The following BRINP3 variants were observed in gnomAD, a reference collection of about 807,000 sequenced individuals.
BRINP3 encodes the protein BMP/retinoic acid-inducible neural-specific protein 3.
BRINP3 carries 19 observed loss-of-function variants against 71.0 expected under a neutral mutation model. The observed-to-expected ratio is 0.27, with a 90% CI of 0.19 to 0.39. The LOEUF (loss-of-function observed/expected upper bound fraction) is 0.39. BRINP3 is among the 10% of genes least tolerant of loss of function. BRINP3 has a pLI of 1.00. For synonymous variants in BRINP3, 380 were observed against 337.7 expected, an observed-to-expected ratio of 1.13 and a Z score of -1.37; for missense variants, 959 against 940.8, an observed-to-expected ratio of 1.02 and a Z score of -0.25.
chr1:190,407,473 A>G (rs573977785), intron 2 of BRINP3, among the ~76,000 whole-genome samples: 117 of 152,272 alleles, frequency 7.7e-4, no homozygotes, highest in Non-Finnish European at 1.4e-3. Flanking sequence ...CAGTCAGTCA[A>G]TGATACTGAC....
intron 2 of BRINP3, among the ~76,000 whole-genome samples, chr1:190,351,141 C>T (rs1668359838): frequency 1.3e-5 from 2 of 152,052 alleles, no homozygotes. Context: ...GTTTTTCCTA[C>T]ATCTACGAAG....
chr1:190,244,947 A>G (rs1391307099), intron 4 of BRINP3, among the ~76,000 whole-genome samples: 1 of 152,088 alleles, frequency 6.6e-6, no homozygotes, highest in Non-Finnish European at 1.5e-5. Flanking sequence ...CTTAAAACTT[A>G]AAACTTTTTA....
At chr1:190,190,693 G>A (rs1311928167) in intron 6 of BRINP3, among the ~76,000 whole-genome samples, 1 of 151,992 alleles carries the variant, frequency 6.6e-6, no homozygotes, top group South Asian at 2.1e-4. Context: ...ATAAGACATA[G>A]GGAAAATCAA....
intron 2 of BRINP3, among the ~76,000 whole-genome samples, chr1:190,284,155 G>A (rs1020694540): frequency 6.6e-6 from 1 of 151,884 alleles, no homozygotes; most frequent in Non-Finnish European, 1.5e-5. Flanking sequence ...TAGTAAATAT[G>A]CAAATATAAA....
chr1:190,401,670 A>C (rs1023004423), intron 2 of BRINP3, among the ~76,000 whole-genome samples: 23 of 152,158 alleles, frequency 1.5e-4, no homozygotes, highest in South Asian at 2.1e-4. Flanking sequence ...AAGTGTGAGA[A>C]GCATTGATGT....
chr1:190,339,429 T>C lies in BRINP3; in HGVS notation c.237-57679A>G, dbSNP rs573682066. On this transcript the variant is annotated intron_variant, in intron 2 of 7. Coordinates refer to ENST00000367462, the MANE Select transcript of BRINP3 (RefSeq NM_199051.3). ...GTACAAGCTGCACTAGAATCACATC[T>C]CAGTTCACTGAGTTAATGACCTAGA... is the stretch of plus-strand genomic sequence containing the variant. 1.1e-4 allele frequency among the ~76,000 whole-genome samples: 17 copies of C among 152,130 alleles called. 1 individual carries two copies. In the South Asian group the frequency reaches 3.5e-3, roughly 32 times the overall value.
At chr1:190,208,249 T>G (rs1655687347) in intron 6 of BRINP3, among the ~76,000 whole-genome samples, 1 of 152,016 alleles carries the variant, frequency 6.6e-6, no homozygotes, top group Non-Finnish European at 1.5e-5. Flanking sequence ...TGAGCCACTG[T>G]GCCCGGCCCT....
chr1:190,184,207 T>C (rs1484669461), intron 6 of BRINP3, among the ~76,000 whole-genome samples: 2 of 152,156 alleles, frequency 1.3e-5, no homozygotes, highest in Non-Finnish European at 2.9e-5. Flanking sequence ...ATTGTAATAG[T>C]TTTTAGCTAA....
chr1:190,370,372 A>T (rs12733759), intron 2 of BRINP3, among the ~76,000 whole-genome samples: 1 of 152,222 alleles, frequency 6.6e-6, no homozygotes, highest in Non-Finnish European at 1.5e-5. Flanking sequence ...AGATAAATGG[A>T]TAATTTTCCA....
intron 7 of BRINP3, among the ~76,000 whole-genome samples, chr1:190,123,647 A>T (rs1390555283): frequency 1.3e-5 from 2 of 152,140 alleles, no homozygotes; most frequent in African/African-American, 4.8e-5. Context: ...TAATACTGCT[A>T]AAGCTATTAA....
chr1:190,387,312 T>C (rs1272276215), intron 2 of BRINP3, among the ~76,000 whole-genome samples: 3 of 151,978 alleles, frequency 2.0e-5, no homozygotes, highest in African/African-American at 7.2e-5. Flanking sequence ...AAACAGTTCA[T>C]GTGCAAAAGA....
chr1:190,173,469 A>ACAT (rs1652209480), intron 6 of BRINP3, among the ~76,000 whole-genome samples: 2 of 152,216 alleles, frequency 1.3e-5, no homozygotes, highest in African/African-American at 4.8e-5. Flanking sequence ...AAAGGGAGAT[A>ACAT]CATTGGTCTT....
intron 1 of BRINP3, among the ~76,000 whole-genome samples, chr1:190,460,572 A>T (rs1676321089): frequency 6.6e-6 from 1 of 152,174 alleles, no homozygotes; most frequent in Admixed American, 6.5e-5. Flanking sequence ...AATGTGCAAA[A>T]TATCATGATA....
intron 3 of BRINP3, among the ~76,000 whole-genome samples, chr1:190,277,087 T>TTATATATATATATATCTATA (rs1553276641): frequency 2.8e-5 from 1 of 36,006 alleles, no homozygotes; most frequent in Non-Finnish European, 6.7e-5. Flanking sequence ...AATTTTGGTT[T>TTATATATATATATATCTATA]TATATATATA....
intron 7 of BRINP3, among the ~76,000 whole-genome samples, chr1:190,110,646 T>C (rs1194991359): frequency 6.6e-6 from 1 of 152,166 alleles, no homozygotes; most frequent in African/African-American, 2.4e-5. Flanking sequence ...AATTCTGAAG[T>C]GACCTGAATC....
intron 6 of BRINP3, among the ~76,000 whole-genome samples, chr1:190,174,594 C>T (rs1035969512): frequency 6.6e-6 from 1 of 151,908 alleles, no homozygotes; most frequent in Non-Finnish European, 1.5e-5. Flanking sequence ...TTAAAAATAC[C>T]TGTGTAGTTT....
At chr1:190,403,488 C>T (rs1317463256) in intron 2 of BRINP3, among the ~76,000 whole-genome samples, 2 of 151,872 alleles carry the variant, frequency 1.3e-5, no homozygotes, top group Non-Finnish European at 2.9e-5. Context: ...AAAAGAGGTG[C>T]CAAAATAGCA....
intron 6 of BRINP3, among the ~76,000 whole-genome samples, chr1:190,168,505 A>G (rs1651748798): frequency 6.6e-6 from 1 of 152,216 alleles, no homozygotes; most frequent in South Asian, 2.1e-4. Context: ...CATTAGGCCA[A>G]TAAAGACTGT....
At chr1:190,137,177 G>T (rs376433463) in intron 7 of BRINP3, among the ~76,000 whole-genome samples, 1 of 151,988 alleles carries the variant, frequency 6.6e-6, no homozygotes, top group African/African-American at 2.4e-5. Context: ...CACTGAAGGA[G>T]GTTTGGGGAA....
Sources: allele counts gnomAD v4.1 joint callset (sites outside exome capture counted in the v4.1 genomes callset), GRCh38; gene constraint gnomAD v4.1.1; transcripts MANE v1.5; gene names NCBI Gene and HGNC (gene_info 2026-07-23, HGNC 2026-07-21).